The following KCTD8 variants were observed in gnomAD, a reference collection of about 807,000 sequenced individuals.
The protein encoded by KCTD8 is BTB/POZ domain-containing protein KCTD8.
In KCTD8, 27 loss-of-function variants were observed where a neutral mutation model predicts 31.5. That is an observed-to-expected ratio of 0.86 (90% CI 0.63 to 1.18). KCTD8 has a LOEUF of 1.18. Ranked by LOEUF, KCTD8 falls within the 50% of genes most tolerant of loss-of-function variation. The pLI is 0.00. For missense variants in KCTD8, 658 were observed against 647.7 expected, an observed-to-expected ratio of 1.02 and a Z score of -0.17; for synonymous variants, 290 against 280.0, an observed-to-expected ratio of 1.04 and a Z score of -0.36.
intron 1 of KCTD8, among the ~76,000 whole-genome samples, chr4:44,310,351 T>C (rs1384326071): frequency 6.6e-6 from 1 of 152,096 alleles, no homozygotes; most frequent in Non-Finnish European, 1.5e-5. Flanking sequence ...AAGTGTTGAA[T>C]TCAGTGATTT....
chr4:44,282,510 G>A (rs1191443280), intron 1 of KCTD8, among the ~76,000 whole-genome samples: 1 of 152,016 alleles, frequency 6.6e-6, no homozygotes, highest in African/African-American at 2.4e-5. Context: ...CAAGTGAAAG[G>A]AAGTCATGTG....
chr4:44,202,855 T>C (rs1293780714), intron 1 of KCTD8, among the ~76,000 whole-genome samples: 2 of 152,158 alleles, frequency 1.3e-5, no homozygotes, highest in Non-Finnish European at 2.9e-5. Context: ...AAAAGTCATG[T>C]TAATAATTGT....
At chr4:44,300,769 GGTTA>G (rs1426915220) in intron 1 of KCTD8, among the ~76,000 whole-genome samples, 1 of 151,908 alleles carries the variant, frequency 6.6e-6, no homozygotes, top group Non-Finnish European at 1.5e-5. Flanking sequence ...ACAATGTGCA[GGTTA>G]GTTACATATG....
At position 44,448,285 on chromosome 4, in the gene KCTD8, C is replaced by T. The variant is rs754941222; in HGVS notation, c.239G>A (p.Arg80His). The T allele has an allele frequency of 3.7e-6, 6 of 1,608,864 alleles. No individual in the cohort carries two copies. The highest frequency in any genetic ancestry group is 1.7e-5 in the Admixed American group (1 of 59,140). ...LASMFSPSSP[R>H]GGARRRGELP... Reference sequence around the variant, plus strand: ...CTCGCCCCGGCGCCGGGCGCCGCCACGGGGACTAGAGGGCGAGAACATGCT... The same window carrying T: ...CTCGCCCCGGCGCCGGGCGCCGCCATGGGGACTAGAGGGCGAGAACATGCT... The change falls in exon 1 of 2, where the codon CGT becomes CAT. Residue 80 changes from arginine (R) to histidine (H), a missense_variant. Arg to His is a conservative substitution (Grantham distance 29). Coordinates refer to ENST00000360029, the MANE Select transcript of KCTD8 (RefSeq NM_198353.3). The surrounding 1 kb of genome is among the most constrained non-coding windows in gnomAD (Gnocchi z 4.1).
intron 1 of KCTD8, among the ~76,000 whole-genome samples, chr4:44,176,538 C>A (rs952115408): frequency 2.0e-5 from 3 of 152,038 alleles, no homozygotes; most frequent in Non-Finnish European, 4.4e-5. Context: ...AGATAAAAAA[C>A]CTTTTCTTAA....
At chr4:44,276,765 A>G (rs1168665188) in intron 1 of KCTD8, among the ~76,000 whole-genome samples, 2 of 152,038 alleles carry the variant, frequency 1.3e-5, no homozygotes, top group African/African-American at 4.8e-5. Context: ...AATAAAGTTC[A>G]CATTTAATAT....
intron 1 of KCTD8, among the ~76,000 whole-genome samples, chr4:44,294,489 C>T (rs954972981): frequency 6.6e-6 from 1 of 152,104 alleles, no homozygotes; most frequent in East Asian, 1.9e-4. Flanking sequence ...TCCTCATTAC[C>T]GTCCAGCACC....
At chr4:44,329,216 A>G (rs1418980991) in intron 1 of KCTD8, among the ~76,000 whole-genome samples, 1 of 151,248 alleles carries the variant, frequency 6.6e-6, no homozygotes. Context: ...TTTTCTTGAA[A>G]TCTGTTATAT....
rs34459205 is a variant in KCTD8, at chr4:44,272,121, T to TTATATATATATATA, written c.962-96885_962-96872dup. Among the ~76,000 whole-genome samples, 16 of 142,526 alleles carry TTATATATATATATA rather than the reference T, an allele frequency of 1.1e-4. 1 individual carries two copies. Among genetic ancestry groups the TTATATATATATATA allele is most frequent in the African/African-American group, 4.1e-4 (15 of 36,546 alleles). The allele number at this position is 142,526 out of a possible 152,430, so 93.5% of individuals were successfully genotyped here. ...ATCAATAAATACCCATGGTATTATA[T>TTATATATATATATA]TATATATATATATATATATAAATGC... On this transcript the variant is annotated intron_variant, in intron 1 of 1. Transcript: ENST00000360029.
chr4:44,321,292 C>T (rs1718290362), intron 1 of KCTD8, among the ~76,000 whole-genome samples: 1 of 152,016 alleles, frequency 6.6e-6, no homozygotes, highest in Admixed American at 6.6e-5. Flanking sequence ...ACAGTATGCA[C>T]TTGATATCAT....
intron 1 of KCTD8, among the ~76,000 whole-genome samples, chr4:44,407,562 T>A (rs1452470849): frequency 6.6e-6 from 1 of 152,004 alleles, no homozygotes; most frequent in African/African-American, 2.4e-5. Context: ...AATTTTGTAT[T>A]TTTAGTAGAG....
intron 1 of KCTD8, among the ~76,000 whole-genome samples, chr4:44,248,958 C>T (rs1488042596): frequency 6.6e-6 from 1 of 151,784 alleles, no homozygotes; most frequent in Non-Finnish European, 1.5e-5. Context: ...AGCCTATCTT[C>T]CTAATTCACT....
At chr4:44,231,781 T>C (rs1222151194) in intron 1 of KCTD8, among the ~76,000 whole-genome samples, 1 of 151,852 alleles carries the variant, frequency 6.6e-6, no homozygotes, top group African/African-American at 2.4e-5. Flanking sequence ...AATCTCACTG[T>C]GTCTCTCTCT....
At chr4:44,269,321 A>T (rs1716498857) in intron 1 of KCTD8, among the ~76,000 whole-genome samples, 2 of 152,160 alleles carry the variant, frequency 1.3e-5, no homozygotes, top group Admixed American at 1.3e-4. Context: ...TGGTGCTGGG[A>T]AAACTGGCTA....
intron 1 of KCTD8, among the ~76,000 whole-genome samples, chr4:44,270,550 T>TA (rs915845170): frequency 5.3e-5 from 8 of 151,138 alleles, no homozygotes; most frequent in East Asian, 2.0e-4. Context: ...ATAATAATAA[T>TA]AAAAAAAAGA....
chr4:44,433,015 G>A (rs1268844267), intron 1 of KCTD8, among the ~76,000 whole-genome samples: 1 of 151,464 alleles, frequency 6.6e-6, no homozygotes, highest in Non-Finnish European at 1.5e-5. Flanking sequence ...CACCATTCAA[G>A]AACCTCAGCA....
intron 1 of KCTD8, among the ~76,000 whole-genome samples, chr4:44,443,872 T>C (rs971888824): frequency 6.6e-6 from 1 of 152,216 alleles, no homozygotes; most frequent in African/African-American, 2.4e-5. Flanking sequence ...AAAATGTCTT[T>C]TTTTGTCTCC....
intron 1 of KCTD8, among the ~76,000 whole-genome samples, chr4:44,446,640 T>C (rs975239770): frequency 2.6e-5 from 4 of 152,180 alleles, no homozygotes; most frequent in African/African-American, 9.7e-5. Flanking sequence ...GCACCCCAGA[T>C]GCTTTCCCAA....
rs1316948486 is a variant in KCTD8 at position 44,356,176 on chromosome 4, G to A, written c.961+91387C>T. 2.0e-5 allele frequency among the ~76,000 whole-genome samples: 3 copies of A among 152,104 alleles called. No individual in the cohort carries two copies. In the South Asian group the frequency reaches 6.2e-4, roughly 32 times the overall value. On this transcript the variant is annotated intron_variant, in intron 1 of 1. Coordinates refer to ENST00000360029, the MANE Select transcript of KCTD8 (RefSeq NM_198353.3). ...TTCAGAATTTGACTATAGCTTAAAAGTATCTTTCATCAAATGTCTTTTTTA... is the reference window on the plus strand; with the variant it reads ...TTCAGAATTTGACTATAGCTTAAAAATATCTTTCATCAAATGTCTTTTTTA...
Sources: allele counts gnomAD v4.1 joint callset (sites outside exome capture counted in the v4.1 genomes callset), GRCh38; gene constraint gnomAD v4.1.1; non-coding constraint Gnocchi (gnomAD v3.1); transcripts MANE v1.5; gene names NCBI Gene and HGNC (gene_info 2026-07-23, HGNC 2026-07-21).